NDUFAF2: variants seen among roughly 807,000 people sequenced by gnomAD.
NDUFAF2 encodes the protein NADH:ubiquinone oxidoreductase complex assembly factor 2, also known as NADH dehydrogenase [ubiquinone] 1 alpha subcomplex assembly factor 2.
In NDUFAF2, 13 loss-of-function variants were observed where a neutral mutation model predicts 22.8. The ratio of observed to expected loss-of-function variants is 0.57; its 90% confidence interval spans 0.37 to 0.91. NDUFAF2 has a LOEUF of 0.91. Among genes scored for constraint, NDUFAF2 ranks in the 40% least tolerant of loss-of-function variants. NDUFAF2 has a pLI of 0.01. For missense variants in NDUFAF2, 162 were observed against 195.2 expected, an observed-to-expected ratio of 0.83 and a Z score of 1.01; for synonymous variants, 53 against 64.2, an observed-to-expected ratio of 0.83 and a Z score of 0.84.
chr5:61,146,969 A>G (rs567974580), intron 3 of NDUFAF2, among the ~76,000 whole-genome samples: 1 of 152,224 alleles, frequency 6.6e-6, no homozygotes, highest in South Asian at 2.1e-4. Flanking sequence ...TCTTTATAAC[A>G]GTTCCCATTT....
intron 1 of NDUFAF2, among the ~76,000 whole-genome samples, chr5:60,964,605 C>A (rs1750730779): frequency 6.6e-6 from 1 of 152,058 alleles, no homozygotes; most frequent in African/African-American, 2.4e-5. Context: ...CGTGCACCAC[C>A]ATGCCTGGCT....
intron 3 of NDUFAF2, among the ~76,000 whole-genome samples, chr5:61,127,771 A>G (rs1158399581): frequency 2.0e-5 from 3 of 152,140 alleles, no homozygotes; most frequent in Admixed American, 6.6e-5. Flanking sequence ...CCTATTCAAC[A>G]TAGTGTTGGA....
chr5:61,063,225 A>G (rs911403669), intron 1 of NDUFAF2, among the ~76,000 whole-genome samples: 3 of 152,114 alleles, frequency 2.0e-5, no homozygotes, highest in Non-Finnish European at 2.9e-5. Flanking sequence ...CAGGTTGGGC[A>G]TGGTGGCTCA....
At chr5:60,979,194 T>C (rs893939702) in intron 1 of NDUFAF2, among the ~76,000 whole-genome samples, 1 of 152,132 alleles carries the variant, frequency 6.6e-6, no homozygotes, top group Admixed American at 6.5e-5. Flanking sequence ...TCAGATAAGA[T>C]TCAGAGCTAT....
chr5:61,135,714 T>G (rs1345025864), intron 3 of NDUFAF2, among the ~76,000 whole-genome samples: 1 of 152,038 alleles, frequency 6.6e-6, no homozygotes, highest in Non-Finnish European at 1.5e-5. Context: ...ATTGCCAGTT[T>G]ACATGAAATA....
chr5:61,132,313 T>C (rs1753122183), intron 3 of NDUFAF2, among the ~76,000 whole-genome samples: 1 of 152,200 alleles, frequency 6.6e-6, no homozygotes, highest in Non-Finnish European at 1.5e-5. Flanking sequence ...GAAAGAGGGC[T>C]TCAGCCTAGG....
At chr5:60,949,634 C>T (rs1750515565) in intron 1 of NDUFAF2, among the ~76,000 whole-genome samples, 1 of 152,154 alleles carries the variant, frequency 6.6e-6, no homozygotes, top group Non-Finnish European at 1.5e-5. Context: ...TACTTAGCCT[C>T]ACAAAGTATT....
At chr5:61,052,083 A>G (rs1752031242) in intron 1 of NDUFAF2, among the ~76,000 whole-genome samples, 1 of 151,642 alleles carries the variant, frequency 6.6e-6, no homozygotes, top group South Asian at 2.1e-4. Flanking sequence ...AAATCAAGCA[A>G]TAAAGTACAA....
At chr5:61,039,728 A>G (rs1234005802) in intron 1 of NDUFAF2, among the ~76,000 whole-genome samples, 4 of 152,192 alleles carry the variant, frequency 2.6e-5, no homozygotes, top group Non-Finnish European at 5.9e-5. Flanking sequence ...GGCAAGGATG[A>G]ATAATTATGC....
intron 1 of NDUFAF2, among the ~76,000 whole-genome samples, chr5:60,947,553 A>C (rs1361073656): frequency 1.3e-5 from 2 of 151,978 alleles, no homozygotes; most frequent in Non-Finnish European, 2.9e-5. Context: ...ATCACCTGAG[A>C]TCAGGAGTTC....
At chr5:61,072,130 T>A (rs1752307437) in intron 1 of NDUFAF2, among the ~76,000 whole-genome samples, 1 of 152,216 alleles carries the variant, frequency 6.6e-6, no homozygotes, top group African/African-American at 2.4e-5. Context: ...CCATAGACTT[T>A]GAAATTATGA....
At chr5:60,984,806 T>C (rs1441424732) in intron 1 of NDUFAF2, among the ~76,000 whole-genome samples, 1 of 152,252 alleles carries the variant, frequency 6.6e-6, no homozygotes, top group African/African-American at 2.4e-5. Context: ...CAGTATTTTA[T>C]TGAGGTTTTT....
chr5:60,945,219 T>G lies in NDUFAF2; in HGVS notation c.-37T>G, dbSNP rs751446486. Reference sequence around the variant, plus strand: ...GCTGGAGCATTACCCCTACTGCGGGTCCCGCTGCTGGCAGCGCTGGAAACT... The same window carrying G: ...GCTGGAGCATTACCCCTACTGCGGGGCCCGCTGCTGGCAGCGCTGGAAACT... On this transcript the variant is annotated 5_prime_UTR_variant, in exon 1 of 4. Transcript: ENST00000296597. The G allele has an allele frequency of 2.5e-6, 4 of 1,607,512 alleles. No individual in the cohort carries two copies. The African/African-American group carries it at 4.0e-5, about 16-fold the overall frequency.
chr5:61,045,124 TAA>T (rs1388290208), intron 1 of NDUFAF2, among the ~76,000 whole-genome samples: 1 of 135,928 alleles, frequency 7.4e-6, no homozygotes, highest in African/African-American at 2.7e-5. Flanking sequence ...TAAAATAAAA[TAA>T]AGTTTTATTA....
chr5:60,952,980 A>G (rs1000152289), intron 1 of NDUFAF2, among the ~76,000 whole-genome samples: 9 of 152,276 alleles, frequency 5.9e-5, no homozygotes, highest in East Asian at 1.9e-4. Flanking sequence ...AAGCTGTGGG[A>G]TACCCCCAAG....
intron 1 of NDUFAF2, among the ~76,000 whole-genome samples, chr5:60,995,714 T>G (rs747076668): frequency 4.6e-5 from 7 of 152,218 alleles, no homozygotes; most frequent in Admixed American, 2.0e-4. Flanking sequence ...CTCAAGGCCC[T>G]GGGGCTCTTC....
At chr5:60,984,334 C>T (rs1418376835) in intron 1 of NDUFAF2, among the ~76,000 whole-genome samples, 22 of 150,720 alleles carry the variant, frequency 1.5e-4, no homozygotes, top group South Asian at 4.2e-4. Context: ...ACAATCATGT[C>T]ATCTGCAAAC....
At chr5:61,054,580 A>G (rs1281856476) in intron 1 of NDUFAF2, among the ~76,000 whole-genome samples, 1 of 152,210 alleles carries the variant, frequency 6.6e-6, no homozygotes, top group Non-Finnish European at 1.5e-5. Flanking sequence ...TCTAGAACTG[A>G]GATACAGGGC....
chr5:60,949,791 A>T (rs1433419367), intron 1 of NDUFAF2, among the ~76,000 whole-genome samples: 1 of 152,200 alleles, frequency 6.6e-6, no homozygotes, highest in Admixed American at 6.5e-5. Flanking sequence ...CAGCATAGAG[A>T]TCATGATATG....
Sources: gnomAD v4.1 joint callset for allele counts (sites outside exome capture counted in the v4.1 genomes callset) on GRCh38, gnomAD v4.1.1 for gene constraint, MANE v1.5 for transcripts, NCBI Gene and HGNC (gene_info 2026-07-23, HGNC 2026-07-21) for gene names.